AATF: variants seen among roughly 807,000 people sequenced by gnomAD.
AATF encodes the protein apoptosis antagonizing transcription factor, also known as protein AATF.
Under a neutral mutation model 63.7 loss-of-function variants are expected in AATF, and 48 were observed. The observed-to-expected ratio is 0.75, with a 90% CI of 0.60 to 0.96. AATF has a LOEUF of 0.96. Among genes scored for constraint, AATF ranks in the 40% least tolerant of loss-of-function variants. AATF has a pLI of 0.00. For synonymous variants in AATF, 258 were observed against 247.7 expected (o/e 1.04, Z -0.39); for missense variants, 639 against 685.7 (o/e 0.93, Z 0.76).
intron 8 of AATF, among the ~76,000 whole-genome samples, chr17:37,005,250 T>G (rs1049739655): frequency 6.6e-6 from 1 of 152,242 alleles, no homozygotes; most frequent in Non-Finnish European, 1.5e-5. Flanking sequence ...ACTGTGGGTC[T>G]GTACGACAAA....
chr17:36,992,942 G>A (rs1468357957), intron 8 of AATF, among the ~76,000 whole-genome samples: 1 of 152,154 alleles, frequency 6.6e-6, no homozygotes, highest in African/African-American at 2.4e-5. Context: ...GTGAATGATG[G>A]GTGACACTTG....
At chr17:37,009,397 G>A (rs2071367681) in intron 8 of AATF, among the ~76,000 whole-genome samples, 1 of 150,302 alleles carries the variant, frequency 6.7e-6, no homozygotes, top group African/African-American at 2.5e-5. Context: ...CACCCACTTC[G>A]GCCTTCCAAA....
intron 4 of AATF, among the ~76,000 whole-genome samples, chr17:36,957,497 T>G (rs923142700): frequency 3.3e-5 from 5 of 152,248 alleles, no homozygotes; most frequent in African/African-American, 1.2e-4. Flanking sequence ...AATTAACTAA[T>G]TGTTCTGGAA....
chr17:37,050,486 G>A (rs1326567625), intron 11 of AATF, among the ~76,000 whole-genome samples: 15 of 152,136 alleles, frequency 9.9e-5, no homozygotes, highest in Non-Finnish European at 2.1e-4. Flanking sequence ...AAAGACAAAC[G>A]TGAAAAAAGG....
chr17:37,046,700 A>G lies in AATF; in HGVS notation c.1620-9901A>G, dbSNP rs75578142. On this transcript the variant is annotated intron_variant, in intron 11 of 11. Coordinates refer to ENST00000619387, the MANE Select transcript of AATF (RefSeq NM_012138.4). ...AATTCCTGCGTGTTGAAGTTAAGCTAGAGCTGAGCGATGCATCCTGTGCTC... is the reference window on the plus strand; with the variant it reads ...AATTCCTGCGTGTTGAAGTTAAGCTGGAGCTGAGCGATGCATCCTGTGCTC... Among the ~76,000 whole-genome samples, 226 of 151,530 alleles carry G rather than the reference A, an allele frequency of 1.5e-3. 4 individuals are homozygous for G. The East Asian group carries it at 0.022, about 15-fold the overall frequency.
chr17:37,049,492 GT>G (rs1315733481), intron 11 of AATF, among the ~76,000 whole-genome samples: 1 of 151,854 alleles, frequency 6.6e-6, no homozygotes, highest in Non-Finnish European at 1.5e-5. Context: ...GTAGTCCCAG[GT>G]ACTCGGGAAG....
chr17:36,950,831 T>A (rs2070849362), intron 2 of AATF, among the ~76,000 whole-genome samples: 2 of 152,170 alleles, frequency 1.3e-5, no homozygotes, highest in Admixed American at 6.5e-5. Context: ...CTATACTCCT[T>A]ATGTTCGGAC....
chr17:36,986,869 A>G, intron 5 of AATF, 138 bp downstream of exon 5: 1 of 688,882 alleles, frequency 1.5e-6, no homozygotes. Context: ...CCTGATGGTC[A>G]GGATGGCACA....
At chr17:37,004,523 A>G (rs1212890838) in intron 8 of AATF, among the ~76,000 whole-genome samples, 1 of 152,098 alleles carries the variant, frequency 6.6e-6, no homozygotes, top group Non-Finnish European at 1.5e-5. Flanking sequence ...GTTGCAGGAA[A>G]AAGGTAGGAA....
At chr17:37,037,222 G>T (rs2071600991) in intron 11 of AATF, among the ~76,000 whole-genome samples, 1 of 148,950 alleles carries the variant, frequency 6.7e-6, no homozygotes, top group South Asian at 2.2e-4. Context: ...TCACCATGTT[G>T]GCCAGGATGG....
chr17:36,979,834 C>A (rs939385923), intron 4 of AATF, among the ~76,000 whole-genome samples: 1 of 151,956 alleles, frequency 6.6e-6, no homozygotes, highest in Non-Finnish European at 1.5e-5. Context: ...TGTTGGACAG[C>A]CTAGATGAAT....
intron 11 of AATF, chr17:37,045,849 CCCTGTTGCAGGCCT>C (rs1185433623): frequency 2.0e-5 from 3 of 152,092 alleles, no homozygotes; most frequent in African/African-American, 7.2e-5. Context: ...GTTGCAGGCC[CCCTGTTGCAGGCCT>C]GCTCAGTGCT....
At chr17:37,002,956 A>G (rs1485721843) in intron 8 of AATF, among the ~76,000 whole-genome samples, 1 of 139,436 alleles carries the variant, frequency 7.2e-6, no homozygotes, top group African/African-American at 2.7e-5. Flanking sequence ...TCTAAAATTC[A>G]TATGGAAATG....
intron 4 of AATF, among the ~76,000 whole-genome samples, chr17:36,976,122 A>T (rs929202393): frequency 6.6e-6 from 1 of 152,178 alleles, no homozygotes; most frequent in Non-Finnish European, 1.5e-5. Flanking sequence ...ATGTGATGGT[A>T]TTGGGGAGGG....
intron 4 of AATF, among the ~76,000 whole-genome samples, chr17:36,960,156 G>A (rs1038747305): frequency 6.6e-6 from 1 of 152,110 alleles, no homozygotes; most frequent in Non-Finnish European, 1.5e-5. Flanking sequence ...AGGGAGTACA[G>A]GCATGCAGCA....
At chr17:37,029,773 C>A (rs2142299128) in intron 10 of AATF, among the ~76,000 whole-genome samples, 1 of 152,146 alleles carries the variant, frequency 6.6e-6, no homozygotes, top group South Asian at 2.1e-4. Flanking sequence ...AACATGTTGG[C>A]CAGGCTGGTC....
intron 8 of AATF, among the ~76,000 whole-genome samples, chr17:37,000,716 G>A (rs1358985371): frequency 1.3e-5 from 2 of 152,116 alleles, no homozygotes; most frequent in African/African-American, 4.8e-5. Flanking sequence ...CGAAGCCCAC[G>A]TCCTGGAACA....
At chr17:37,028,714 A>T (rs2071529261) in intron 10 of AATF, among the ~76,000 whole-genome samples, 1 of 152,146 alleles carries the variant, frequency 6.6e-6, no homozygotes, top group Non-Finnish European at 1.5e-5. Flanking sequence ...TGAACCTGCG[A>T]GTCAGAGGTT....
intron 11 of AATF, among the ~76,000 whole-genome samples, chr17:37,044,405 C>A (rs1450699029): frequency 6.6e-6 from 1 of 152,082 alleles, no homozygotes; most frequent in East Asian, 1.9e-4. Context: ...CTTCTGATTC[C>A]CCACCCTTTG....
Sources: gnomAD v4.1 joint callset for allele counts (sites outside exome capture counted in the v4.1 genomes callset) on GRCh38, gnomAD v4.1.1 for gene constraint, MANE v1.5 for transcripts, NCBI Gene and HGNC (gene_info 2026-07-23, HGNC 2026-07-21) for gene names.